The following SOX6 variants were observed in gnomAD, a reference collection of about 807,000 sequenced individuals.
SOX6 encodes the protein transcription factor SOX-6.
A neutral mutation model predicts 97.8 loss-of-function variants in SOX6; 11 were observed. The ratio of observed to expected loss-of-function variants is 0.11; its 90% CI spans 0.07 to 0.19. SOX6 has a LOEUF of 0.19. Ranked by LOEUF, SOX6 falls within the 10% of genes least tolerant of loss-of-function variation. The pLI is 1.00. For synonymous variants in SOX6, 360 were observed against 371.4 expected (o/e 0.97, Z 0.35); for missense variants, 810 against 1,039.5 (o/e 0.78, Z 3.04).
intron 6 of SOX6, among the ~76,000 whole-genome samples, chr11:16,164,516 TG>T (rs929531710): frequency 3.9e-5 from 6 of 152,286 alleles, no homozygotes; most frequent in African/African-American, 1.4e-4. Flanking sequence ...TTTGTCTCTC[TG>T]GCTCCTTTGA....
chr11:16,257,229 G>A (rs1448433327), intron 3 of SOX6, among the ~76,000 whole-genome samples: 2 of 151,706 alleles, frequency 1.3e-5, no homozygotes, highest in Admixed American at 1.3e-4. Flanking sequence ...TCTATGAAGA[G>A]GCAAAAGACA....
chr11:16,263,737 C>G (rs967256048), intron 3 of SOX6, among the ~76,000 whole-genome samples: 4 of 108,424 alleles, frequency 3.7e-5, no homozygotes, highest in Non-Finnish European at 3.9e-5. Context: ...CATATAAAAA[C>G]TCATGGTCAA....
intron 4 of SOX6, among the ~76,000 whole-genome samples, chr11:16,195,454 T>G (rs956463160): frequency 2.6e-5 from 4 of 152,176 alleles, no homozygotes; most frequent in Non-Finnish European, 5.9e-5. Context: ...AGCTAAGAGA[T>G]ATACAACTAA....
intron 2 of SOX6, among the ~76,000 whole-genome samples, chr11:16,720,976 C>T (rs1006879506): frequency 1.3e-4 from 20 of 152,104 alleles, no homozygotes; most frequent in African/African-American, 4.8e-4. Context: ...AGGGACTATA[C>T]TGAGGAGACC....
chr11:16,437,282 T>TA (rs201915779), intron 1 of SOX6, among the ~76,000 whole-genome samples: 123 of 136,688 alleles, frequency 9.0e-4, no homozygotes, highest in Middle Eastern at 4.1e-3. Context: ...TTTTTTTTTT[T>TA]AAAAAAAAGG....
intron 2 of SOX6, among the ~76,000 whole-genome samples, chr11:16,722,117 A>G (rs532619855): frequency 6.6e-6 from 1 of 152,292 alleles, no homozygotes; most frequent in South Asian, 2.1e-4. Flanking sequence ...TGGACATAAG[A>G]ATGGGCAAAG....
intron 9 of SOX6, among the ~76,000 whole-genome samples, chr11:16,088,401 T>C (rs1448937851): frequency 6.6e-6 from 1 of 152,178 alleles, no homozygotes; most frequent in African/African-American, 2.4e-5. Flanking sequence ...TATACTCTCA[T>C]ACAGAATATT....
chr11:16,688,586 CATT>C (rs1310575052), intron 3 of SOX6, among the ~76,000 whole-genome samples: 1 of 152,252 alleles, frequency 6.6e-6, no homozygotes, highest in East Asian at 1.9e-4. Context: ...TTTGAAATCT[CATT>C]GTAGTTTTCA....
At chr11:16,570,127 T>C (rs542526553) in intron 4 of SOX6, among the ~76,000 whole-genome samples, 2 of 152,284 alleles carry the variant, frequency 1.3e-5, no homozygotes, top group Non-Finnish European at 2.9e-5. Flanking sequence ...AAACCTACTC[T>C]GATTCCTATG....
chr11:16,618,902 A>AG (rs1321654531), intron 3 of SOX6, among the ~76,000 whole-genome samples: 2 of 152,066 alleles, frequency 1.3e-5, no homozygotes, highest in Non-Finnish European at 2.9e-5. Flanking sequence ...TTTGCATACC[A>AG]GGACTGTGTA....
In SOX6 at chr11:16,607,118, G is replaced by C. The variant is rs935485073; in HGVS notation, n.609+4963C>G. ...CGCCCTCTCGGGGCTCCGCTCGCTCGGCTCTCGTCCCTCTGCCTGTCCTGC... is the reference window on the plus strand; with the variant it reads ...CGCCCTCTCGGGGCTCCGCTCGCTCCGCTCTCGTCCCTCTGCCTGTCCTGC... On this transcript the variant is annotated intron_variant and non_coding_transcript_variant, in intron 4 of 5. Transcript: ENST00000524520. The surrounding 1 kb of genome is among the most constrained non-coding windows in gnomAD (Gnocchi z 6.5). 6.5e-6 allele frequency: 1 copy of C among 153,070 alleles called. No homozygotes were observed. Among genetic ancestry groups the C allele is most frequent in the Non-Finnish European group, 1.5e-5 (1 of 68,886 alleles). 9.5% of individuals were successfully genotyped at this position (153,070 alleles called of 1,614,324 possible).
At chr11:16,386,431 C>T (rs1422971695) in intron 1 of SOX6, among the ~76,000 whole-genome samples, 1 of 151,912 alleles carries the variant, frequency 6.6e-6, no homozygotes, top group Non-Finnish European at 1.5e-5. Context: ...CATTATTTCC[C>T]CATAACCTAC....
At chr11:16,515,981 T>C (rs952167563) in intron 4 of SOX6, among the ~76,000 whole-genome samples, 2 of 151,866 alleles carry the variant, frequency 1.3e-5, no homozygotes, top group East Asian at 3.9e-4. Context: ...GCAGGTAGTG[T>C]GATGCCTCCA....
chr11:16,148,117 T>G (rs1850361074), intron 6 of SOX6, among the ~76,000 whole-genome samples: 1 of 152,194 alleles, frequency 6.6e-6, no homozygotes, highest in Non-Finnish European at 1.5e-5. Context: ...TTTAGCTGAT[T>G]AACAAATACA....
chr11:16,397,142 T>G (rs1347821282), intron 1 of SOX6, among the ~76,000 whole-genome samples: 2 of 151,486 alleles, frequency 1.3e-5, no homozygotes, highest in Non-Finnish European at 3.0e-5. Context: ...CAGTTTATAT[T>G]CCTTGAGGTT....
intron 12 of SOX6, among the ~76,000 whole-genome samples, chr11:16,025,185 A>G (rs1040653577): frequency 1.3e-5 from 2 of 152,216 alleles, no homozygotes; most frequent in African/African-American, 4.8e-5. Flanking sequence ...GTAGAGTTAT[A>G]AAGTGTTCAG....
At chr11:16,465,639 G>A (rs930045842) in intron 1 of SOX6, 1 of 152,134 alleles carries the variant, frequency 6.6e-6, no homozygotes, top group African/African-American at 2.4e-5. Context: ...CATTAATGCT[G>A]TTGCTTAATT....
chr11:16,201,529 T>C (rs1304676726), intron 4 of SOX6, among the ~76,000 whole-genome samples: 1 of 150,428 alleles, frequency 6.6e-6, no homozygotes. Flanking sequence ...TATATATAGA[T>C]AGATATAACT....
At chr11:15,987,041 C>T (rs1168859890) in intron 14 of SOX6, among the ~76,000 whole-genome samples, 1 of 152,186 alleles carries the variant, frequency 6.6e-6, no homozygotes, top group Non-Finnish European at 1.5e-5. Flanking sequence ...TCATTCAAAG[C>T]TGTACCAATA....
Sources: allele counts gnomAD v4.1 joint callset (sites outside exome capture counted in the v4.1 genomes callset), GRCh38; gene constraint gnomAD v4.1.1; non-coding constraint Gnocchi (gnomAD v3.1); transcripts MANE v1.5; gene names NCBI Gene and HGNC (gene_info 2026-07-23, HGNC 2026-07-21).